ZNF490: variants seen among roughly 807,000 people sequenced by gnomAD.
ZNF490 encodes zinc finger protein 490.
Under a neutral mutation model 17.7 loss-of-function variants are expected in ZNF490, and 11 were observed. The observed-to-expected ratio is 0.62, with a 90% CI of 0.39 to 1.03. ZNF490 has a LOEUF of 1.03. Ranked by LOEUF, ZNF490 falls within the 50% of genes least tolerant of loss-of-function variation. ZNF490 has a pLI of 0.00. For synonymous variants in ZNF490, 222 were observed against 216.1 expected (o/e 1.03, Z -0.24); for missense variants, 542 against 643.4 (o/e 0.84, Z 1.71).
At position 12,587,946 on chromosome 19, in the gene ZNF490, T is replaced by C. The variant is rs1160490794; in HGVS notation, c.163-4390A>G. Among the ~76,000 whole-genome samples the C allele has an allele frequency of 7.4e-5, 7 of 94,516 alleles. 3 individuals carry two copies. The highest frequency in any genetic ancestry group is 5.7e-5 in the Non-Finnish European group (2 of 35,014). 62.0% of individuals were successfully genotyped at this position (94,516 alleles called of 152,430 possible). Reference sequence around the variant, plus strand: ...GTGCGATGGCGCAATCTCGGCTCGCTACAACCTCCGCCTCCCAGGTTCAAG... The same window carrying C: ...GTGCGATGGCGCAATCTCGGCTCGCCACAACCTCCGCCTCCCAGGTTCAAG... On this transcript the variant is annotated intron_variant, in intron 2 of 4. Coordinates refer to ENST00000311437, the MANE Select transcript of ZNF490 (RefSeq NM_020714.3).
Position 12,576,443 on chromosome 19 carries a change from T to C in ZNF490, c.*4042A>G, listed in dbSNP as rs752418724. Among the ~76,000 whole-genome samples the C allele has an allele frequency of 5.3e-5, 8 of 150,812 alleles. No individual in the cohort carries two copies. Among genetic ancestry groups the C allele is most frequent in the African/African-American group, 9.8e-5 (4 of 40,864 alleles). On this transcript the variant is annotated 3_prime_UTR_variant, in exon 5 of 5. Coordinates refer to ENST00000311437, the MANE Select transcript of ZNF490 (RefSeq NM_020714.3). ...ATTGCTTGAACCTGGGAGGCAGAGA[T>C]TGCAGTGAGCCGAGATCATGCCACT...
intron 2 of ZNF490, among the ~76,000 whole-genome samples, chr19:12,605,556 T>G (rs543725903): frequency 1.3e-5 from 2 of 152,284 alleles, no homozygotes; most frequent in African/African-American, 4.8e-5. Flanking sequence ...TGTAGGCTGC[T>G]ACAGCAAATT....
At chr19:12,595,239 T>C (rs1248730446) in intron 2 of ZNF490, among the ~76,000 whole-genome samples, 1 of 151,806 alleles carries the variant, frequency 6.6e-6, no homozygotes, top group Non-Finnish European at 1.5e-5. Flanking sequence ...CCTCCCGGGT[T>C]CAAGAAATTC....
rs992034436 is a variant in ZNF490, at chr19:12,581,786, A to T, written c.351-62T>A. 6.4e-5 allele frequency: 88 copies of T among 1,376,196 alleles called. No homozygotes were observed. The Middle Eastern group carries it at 1.3e-3, about 20-fold the overall frequency. The allele number at this position is 1,376,196 out of a possible 1,614,324, so 85.2% of individuals were successfully genotyped here. Reference sequence around the variant, plus strand: ...TATTAATGATCTTATATTTATTAGCAAGTACCAGAATTACATTTTAAATAT... The same window carrying T: ...TATTAATGATCTTATATTTATTAGCTAGTACCAGAATTACATTTTAAATAT... On this transcript the variant is annotated intron_variant, in intron 4 of 4. Coordinates refer to ENST00000311437, the MANE Select transcript of ZNF490 (RefSeq NM_020714.3).
Position 12,588,090 on chromosome 19 carries a change from A to G in ZNF490, c.163-4534T>C, listed in dbSNP as rs192096580. Among the ~76,000 whole-genome samples, 241 of 35,564 alleles carry G rather than the reference A, an allele frequency of 6.8e-3. 68 individuals are homozygous for G. Among genetic ancestry groups the G allele is most frequent in the African/African-American group, 0.016 (229 of 14,444 alleles). 23.3% of individuals were successfully genotyped at this position (35,564 alleles called of 152,430 possible). A position where few individuals can be genotyped will look rare whatever the true frequency, so the allele number is the denominator to read the frequency against. ...TCACCATGTTGGCCAGGCTGGTCTC[A>G]AACTCCTGACCTCAGGCGATCCGCC... On this transcript the variant is annotated intron_variant, in intron 2 of 4. Transcript: ENST00000311437.
chr19:12,591,395 C>G (rs2022869639), intron 2 of ZNF490, among the ~76,000 whole-genome samples: 1 of 144,260 alleles, frequency 6.9e-6, no homozygotes, highest in Admixed American at 7.0e-5. Context: ...CCGCCGCCCC[C>G]CCAAAAAAGA....
intron 2 of ZNF490, among the ~76,000 whole-genome samples, chr19:12,583,809 A>ATTTTTTTT (rs2022778086): frequency 1.9e-5 from 2 of 105,136 alleles, no homozygotes; most frequent in African/African-American, 8.1e-5. Context: ...ATATATATAT[A>ATTTTTTTT]TATTTTTTTT....
chr19:12,582,599 T>C (rs2022752890), intron 4 of ZNF490, among the ~76,000 whole-genome samples: 1 of 152,030 alleles, frequency 6.6e-6, no homozygotes, highest in Non-Finnish European at 1.5e-5. Flanking sequence ...TTTCATCATG[T>C]TGGCCAGGAT....
At chr19:12,594,795 C>T (rs1431406234) in intron 2 of ZNF490, among the ~76,000 whole-genome samples, 2 of 152,154 alleles carry the variant, frequency 1.3e-5, no homozygotes, top group Non-Finnish European at 2.9e-5. Flanking sequence ...TCTCAGCACT[C>T]CCACCTGGGC....
chr19:12,580,787 A>G lies in ZNF490; in HGVS notation c.1288T>C (p.Ser430Pro). Reference protein sequence around the residue: ...CKECGKAFLYSTHFRIHERTH... With the variant: ...CKECGKAFLYPTHFRIHERTH... The stretch of plus-strand genomic sequence containing the variant: ...CTTTCATGGATTCGAAAGTGAGTGG[A>G]ATAAAGAAAGGCTTTACCACATTCT... Residue 430 changes from serine to proline, a missense_variant, in exon 5 of 5, where the codon TCC (serine) becomes CCC (proline). Ser to Pro is a moderately conservative substitution (Grantham distance 74). Transcript: ENST00000311437. 6.2e-7 allele frequency: 1 copy of G among 1,614,202 alleles called. No individual in the cohort carries two copies. Among genetic ancestry groups the G allele is most frequent in the Non-Finnish European group, 8.5e-7 (1 of 1,180,044 alleles).
chr19:12,610,575 C>G lies in ZNF490; in HGVS notation c.106G>C (p.Asp36His), dbSNP rs768223613. ...CAAGCCCCTGGTACCTGGAGGACAT[C>G]AGACCCTCCTGTTCCTGTGCGGCCT... ...SQGRTGTGGS[D>H]VLQMQNSEHH... The change falls in exon 1 of 5, where the codon GAT (aspartate) becomes CAT (histidine). Residue 36 changes from aspartate to histidine, a missense_variant. Asp to His is a moderately conservative substitution (Grantham distance 81). Transcript: ENST00000311437. 6.2e-7 allele frequency: 1 copy of G among 1,613,694 alleles called. No homozygotes were observed. The highest frequency in any genetic ancestry group is 8.5e-7 in the Non-Finnish European group (1 of 1,179,714).
At chr19:12,606,025 C>T (rs1300826971) in intron 2 of ZNF490, among the ~76,000 whole-genome samples, 2 of 151,966 alleles carry the variant, frequency 1.3e-5, no homozygotes, top group Admixed American at 6.6e-5. Context: ...GGATTACAGG[C>T]ATGTGCCACC....
chr19:12,578,520 G>C lies in ZNF490; in HGVS notation c.*1965C>G. ...AAACAAGTGTCCAAAGTGTAGGTTTGAGATGGGAAATGGAGCTGGAGATGA... is the reference window on the plus strand; with the variant it reads ...AAACAAGTGTCCAAAGTGTAGGTTTCAGATGGGAAATGGAGCTGGAGATGA... On this transcript the variant is annotated 3_prime_UTR_variant, in exon 5 of 5. Coordinates refer to ENST00000311437, the MANE Select transcript of ZNF490 (RefSeq NM_020714.3). The C allele has an allele frequency of 1.0e-6, 1 of 985,466 alleles. No homozygotes were observed. Among genetic ancestry groups the C allele is most frequent in the African/African-American group, 1.7e-5 (1 of 57,354 alleles). The allele number at this position is 985,466 out of a possible 1,614,324, so 61.0% of individuals were successfully genotyped here.
Position 12,579,114 on chromosome 19 carries a change from G to A in ZNF490, c.*1371C>T, listed in dbSNP as rs904127291. ...TAAAAATACAAAAAATGAGCCGGGC[G>A]TGGTGGCGGGCGCCTGTAGTCCCAG... On this transcript the variant is annotated 3_prime_UTR_variant, in exon 5 of 5. Coordinates refer to ENST00000311437, the MANE Select transcript of ZNF490 (RefSeq NM_020714.3). 7 of 201,008 alleles carry A rather than the reference G, an allele frequency of 3.5e-5. No homozygotes were observed. Among genetic ancestry groups the A allele is most frequent in the Non-Finnish European group, 5.3e-5 (6 of 112,872 alleles). 12.5% of individuals were successfully genotyped at this position (201,008 alleles called of 1,614,324 possible).
intron 2 of ZNF490, among the ~76,000 whole-genome samples, chr19:12,589,059 C>T (rs1343100985): frequency 2.6e-5 from 4 of 152,088 alleles, no homozygotes; most frequent in African/African-American, 9.7e-5. Context: ...TGGTGGCTCA[C>T]GCCTGTAATC....
At chr19:12,590,063 T>C (rs1315621163) in intron 2 of ZNF490, among the ~76,000 whole-genome samples, 1 of 150,598 alleles carries the variant, frequency 6.6e-6, no homozygotes, top group Non-Finnish European at 1.5e-5. Flanking sequence ...TACAGGCATG[T>C]GCCACCACGC....
chr19:12,587,330 C>A lies in ZNF490; in HGVS notation c.163-3774G>T, dbSNP rs1345359864. On this transcript the variant is annotated intron_variant, in intron 2 of 4. Transcript: ENST00000311437. ...GTTTCTTTTTATAGAGATGGGGTCT[C>A]ACTATGTTGCCCAGGCTTGTCTCAA... Among the ~76,000 whole-genome samples the A allele has an allele frequency of 2.3e-5, 2 of 87,626 alleles. 1 individual carries two copies. Among genetic ancestry groups the A allele is most frequent in the Non-Finnish European group, 6.0e-5 (2 of 33,284 alleles). 57.5% of individuals were successfully genotyped at this position (87,626 alleles called of 152,430 possible). A position where few individuals can be genotyped will look rare whatever the true frequency, so the allele number is the denominator to read the frequency against.
At position 12,581,528 on chromosome 19, in the gene ZNF490, G is replaced by C. The variant is rs571848790; in HGVS notation, c.547C>G (p.Pro183Ala). ...TCTCCATATTCGTGACACTCATTTG[G>C]TTTCTGTTCAGTGTGAGATCTCATG... ...RHMRSHTEQK[P>A]NECHEYGEKP... The change falls in exon 5 of 5, where the codon CCA (proline) becomes GCA (alanine). Residue 183 changes from proline (P) to alanine (A), a missense_variant. Pro to Ala is a conservative substitution (Grantham distance 27, BLOSUM62 -1). Coordinates refer to ENST00000311437, the MANE Select transcript of ZNF490 (RefSeq NM_020714.3). The C allele has an allele frequency of 1.2e-6, 2 of 1,614,120 alleles. No homozygotes were observed. The highest frequency in any genetic ancestry group is 2.7e-5 in the African/African-American group (2 of 75,022).
At chr19:12,602,079 T>TACACACACAC (rs61568541) in intron 2 of ZNF490, among the ~76,000 whole-genome samples, 58 of 68,650 alleles carry the variant, frequency 8.4e-4, no homozygotes, top group East Asian at 4.0e-3. Flanking sequence ...GTTCACTATA[T>TACACACACAC]ACACACACAC....
Sources: gnomAD v4.1 joint callset for allele counts (sites outside exome capture counted in the v4.1 genomes callset) on GRCh38, gnomAD v4.1.1 for gene constraint, MANE v1.5 for transcripts, NCBI Gene and HGNC (gene_info 2026-07-23, HGNC 2026-07-21) for gene names.